Variants in ADGRL2 observed in about 807,000 individuals in gnomAD.
ADGRL2 encodes adhesion G protein-coupled receptor L2.
ADGRL2 carries 44 observed loss-of-function variants against 157.4 expected under a neutral mutation model. That is an observed-to-expected ratio of 0.28 (90% CI 0.22 to 0.36). ADGRL2 has a LOEUF of 0.36. ADGRL2 is among the 10% of genes least tolerant of loss of function. The pLI, the probability that ADGRL2 is intolerant of heterozygous loss-of-function variation, is 1.00. For synonymous variants in ADGRL2, 585 were observed against 624.7 expected, an observed-to-expected ratio of 0.94 and a Z score of 0.95; for missense variants, 1,510 against 1,768.9, an observed-to-expected ratio of 0.85 and a Z score of 2.63.
chr1:81,949,069 A>C (rs1011479619), intron 6 of ADGRL2, among the ~76,000 whole-genome samples: 1 of 151,980 alleles, frequency 6.6e-6, no homozygotes, highest in Non-Finnish European at 1.5e-5. Flanking sequence ...GTGTAGATAA[A>C]GTGTAAAATA....
upstream of ADGRL2, among the ~76,000 whole-genome samples, chr1:81,797,744 G>T (rs2087662550): frequency 6.6e-6 from 1 of 152,054 alleles, no homozygotes; most frequent in Non-Finnish European, 1.5e-5. Flanking sequence ...AGAAATATAT[G>T]AACCCACTGA....
chr1:81,799,024 C>T (rs1361279852), upstream of ADGRL2, among the ~76,000 whole-genome samples: 2 of 152,114 alleles, frequency 1.3e-5, no homozygotes, highest in Non-Finnish European at 2.9e-5. Context: ...CTTTTGCAAT[C>T]CTGAATGAAA....
intron 3 of ADGRL2, among the ~76,000 whole-genome samples, chr1:81,631,966 C>G (rs144770131): frequency 6.6e-6 from 1 of 152,268 alleles, no homozygotes; most frequent in Admixed American, 6.5e-5. Flanking sequence ...GATTTCCTAT[C>G]ATGGCATTTT....
rs138648284 is a variant in ADGRL2, at chr1:81,685,505, A to G, written c.-142-76306A>G. On this transcript the variant is annotated intron_variant, in intron 3 of 24. Coordinates refer to the ADGRL2 transcript ENST00000370721. ...ATCTTGTATCTGGAGACTTTGCTGAATTCTTTAATCAGTTCTAGGAGCTTT... is the reference window on the plus strand; with the variant it reads ...ATCTTGTATCTGGAGACTTTGCTGAGTTCTTTAATCAGTTCTAGGAGCTTT... Among the ~76,000 whole-genome samples the G allele has an allele frequency of 2.7e-3, 415 of 152,234 alleles. 2 individuals carry two copies. The highest frequency in any genetic ancestry group is 0.023 in the Admixed American group (357 of 15,292).
At chr1:81,839,564 T>C (rs898740459) in intron 2 of ADGRL2, among the ~76,000 whole-genome samples, 3 of 151,702 alleles carry the variant, frequency 2.0e-5, no homozygotes, top group Non-Finnish European at 4.4e-5. Flanking sequence ...CCAGAATCCA[T>C]TGTGTTATTC....
intron 1 of ADGRL2, among the ~76,000 whole-genome samples, chr1:81,353,020 T>C (rs550238955): frequency 1.3e-5 from 2 of 152,302 alleles, no homozygotes; most frequent in East Asian, 1.9e-4. Context: ...GAGGTAATAA[T>C]ATCTAATGTA....
intron 3 of ADGRL2, among the ~76,000 whole-genome samples, chr1:81,583,413 CT>C (rs2080958526): frequency 6.7e-6 from 1 of 149,648 alleles, no homozygotes; most frequent in Non-Finnish European, 1.5e-5. Context: ...GTTTTTTTTT[CT>C]TTGTGAAGCA....
At chr1:81,807,940 T>A (rs1451228736) in intron 1 of ADGRL2, among the ~76,000 whole-genome samples, 4 of 151,816 alleles carry the variant, frequency 2.6e-5, no homozygotes, top group Non-Finnish European at 5.9e-5. Flanking sequence ...AACAGTTTTT[T>A]AAAAGCTTAT....
intron 2 of ADGRL2, among the ~76,000 whole-genome samples, chr1:81,507,888 T>C (rs1156495588): frequency 6.6e-6 from 1 of 152,146 alleles, no homozygotes; most frequent in Non-Finnish European, 1.5e-5. Context: ...TGTTGGGTTC[T>C]GTGCAAAATG....
intron 1 of ADGRL2, among the ~76,000 whole-genome samples, chr1:81,400,541 G>A (rs1321821673): frequency 6.6e-6 from 1 of 152,116 alleles, no homozygotes. Flanking sequence ...AGTAGGGTAT[G>A]GCTGCAGTTG....
chr1:81,746,752 T>A (rs2085259444), intron 1 of ADGRL2, among the ~76,000 whole-genome samples: 1 of 151,846 alleles, frequency 6.6e-6, no homozygotes, highest in African/African-American at 2.4e-5. Context: ...ATTGGATTCT[T>A]TTTAAAATAA....
At chr1:81,863,712 G>T (rs1395854867) in intron 2 of ADGRL2, among the ~76,000 whole-genome samples, 1 of 152,114 alleles carries the variant, frequency 6.6e-6, no homozygotes, top group Admixed American at 6.6e-5. Context: ...ATCATATATT[G>T]AGTGCAAGCT....
At chr1:81,838,049 T>C (rs1284060699) in intron 2 of ADGRL2, among the ~76,000 whole-genome samples, 1 of 152,024 alleles carries the variant, frequency 6.6e-6, no homozygotes, top group Non-Finnish European at 1.5e-5. Flanking sequence ...ATATGTACTT[T>C]TAAGTGATCT....
intron 11 of ADGRL2, among the ~76,000 whole-genome samples, chr1:81,961,351 C>A (rs2149220596): frequency 6.6e-6 from 1 of 152,062 alleles, no homozygotes; most frequent in African/African-American, 2.4e-5. Flanking sequence ...CCCAGGATTG[C>A]CTCCTTCCTG....
At chr1:81,768,041 TG>T (rs2086204629) in intron 2 of ADGRL2, among the ~76,000 whole-genome samples, 1 of 152,102 alleles carries the variant, frequency 6.6e-6, no homozygotes, top group Non-Finnish European at 1.5e-5. Flanking sequence ...GATACTTAAA[TG>T]TATTTATTTT....
intron 3 of ADGRL2, among the ~76,000 whole-genome samples, chr1:81,911,191 A>T (rs192832761): frequency 9.8e-5 from 15 of 152,288 alleles, no homozygotes; most frequent in Admixed American, 9.8e-4. Context: ...TGATTATAGT[A>T]TACTGTCTTA....
chr1:81,487,623 A>G (rs2078536692), intron 2 of ADGRL2, among the ~76,000 whole-genome samples: 1 of 151,590 alleles, frequency 6.6e-6, no homozygotes, highest in Non-Finnish European at 1.5e-5. Context: ...CCAGGCTGGG[A>G]GACAGAGCAA....
chr1:81,619,484 C>G (rs2081741133), intron 3 of ADGRL2, among the ~76,000 whole-genome samples: 1 of 152,124 alleles, frequency 6.6e-6, no homozygotes, highest in Non-Finnish European at 1.5e-5. Context: ...TGTCAGGGAT[C>G]AATGTAAAAT....
At chr1:81,749,970 A>ATTTTTTT (rs2085435241) in intron 1 of ADGRL2, among the ~76,000 whole-genome samples, 1 of 152,214 alleles carries the variant, frequency 6.6e-6, no homozygotes, top group South Asian at 2.1e-4. Flanking sequence ...TTTTACTAAA[A>ATTTTTTT]TTTATTATAC....
Sources: allele counts gnomAD v4.1 joint callset (sites outside exome capture counted in the v4.1 genomes callset), GRCh38; gene constraint gnomAD v4.1.1; transcripts MANE v1.5; gene names NCBI Gene and HGNC (gene_info 2026-07-23, HGNC 2026-07-21).